The following KCNH5 variants were observed in gnomAD, a reference collection of about 807,000 sequenced individuals.
The protein encoded by KCNH5 is potassium voltage-gated channel subfamily H member 5.
KCNH5 carries 46 observed loss-of-function variants against 96.1 expected under a neutral mutation model. The observed-to-expected ratio is 0.48, with a 90% CI of 0.38 to 0.61. The LOEUF is 0.61. KCNH5 is among the 20% of genes least tolerant of loss of function. The probability of loss-of-function intolerance (pLI) is 0.00; values close to 1 mark genes in which losing one functional copy is unlikely to be tolerated. For synonymous variants in KCNH5, 439 were observed against 449.8 expected, an observed-to-expected ratio of 0.98 and a Z score of 0.30; for missense variants, 907 against 1,225.8, an observed-to-expected ratio of 0.74 and a Z score of 3.88.
At chr14:62,710,258 G>T (rs1014372309) in intron 10 of KCNH5, among the ~76,000 whole-genome samples, 3 of 152,170 alleles carry the variant, frequency 2.0e-5, no homozygotes, top group African/African-American at 7.2e-5. Flanking sequence ...GTACTAATTT[G>T]TATTTTGAAA....
At chr14:63,001,500 G>A in intron 3 of KCNH5, 41 bp from the exon 4 acceptor site, 1 of 1,571,524 alleles carries the variant, frequency 6.4e-7, no homozygotes, top group Non-Finnish European at 8.6e-7. Context: ...TTAGAGTGTG[G>A]CACGGCCACA....
chr14:62,949,335 C>T (rs1040210156), intron 7 of KCNH5, among the ~76,000 whole-genome samples: 1 of 152,172 alleles, frequency 6.6e-6, no homozygotes, highest in Non-Finnish European at 1.5e-5. Flanking sequence ...AATCAAAGTA[C>T]AATCTTAAGG....
intron 7 of KCNH5, among the ~76,000 whole-genome samples, chr14:62,879,836 G>A (rs572868563): frequency 1.3e-5 from 2 of 152,104 alleles, no homozygotes; most frequent in African/African-American, 4.8e-5. Context: ...TTATAGTTGT[G>A]CATTATGATT....
intron 1 of KCNH5, among the ~76,000 whole-genome samples, chr14:63,018,676 T>C (rs975356182): frequency 2.0e-5 from 3 of 151,994 alleles, no homozygotes; most frequent in Non-Finnish European, 4.4e-5. Flanking sequence ...CGAAAAATAA[T>C]CTTAAAATCA....
intron 9 of KCNH5, among the ~76,000 whole-genome samples, chr14:62,795,273 T>C (rs2139992804): frequency 6.6e-6 from 1 of 152,148 alleles, no homozygotes; most frequent in East Asian, 1.9e-4. Context: ...CTGAAACAAT[T>C]ATGAAAACAG....
At chr14:62,989,032 T>TAC (rs903094560) in intron 4 of KCNH5, among the ~76,000 whole-genome samples, 133 of 145,570 alleles carry the variant, frequency 9.1e-4, no homozygotes, top group African/African-American at 3.0e-3. Flanking sequence ...CACACACACA[T>TAC]ACACACACAC....
chr14:62,754,195 TTATAA>T (rs775154216), intron 10 of KCNH5, among the ~76,000 whole-genome samples: 39 of 152,284 alleles, frequency 2.6e-4, no homozygotes, highest in Admixed American at 9.8e-4. Flanking sequence ...AAATAATTGG[TTATAA>T]TATATTATTC....
chr14:62,944,241 CAT>C (rs1889843707), intron 7 of KCNH5, among the ~76,000 whole-genome samples: 1 of 152,108 alleles, frequency 6.6e-6, no homozygotes, highest in Admixed American at 6.6e-5. Context: ...TTCTGAAAGA[CAT>C]ATAAATTTTG....
intron 7 of KCNH5, among the ~76,000 whole-genome samples, chr14:62,940,030 TAC>T (rs1889759104): frequency 6.6e-6 from 1 of 152,230 alleles, no homozygotes; most frequent in African/African-American, 2.4e-5. Flanking sequence ...ATCTCCATTT[TAC>T]AAATGATGGT....
intron 7 of KCNH5, among the ~76,000 whole-genome samples, chr14:62,929,269 G>A (rs1387155426): frequency 6.6e-6 from 1 of 151,852 alleles, no homozygotes; most frequent in African/African-American, 2.4e-5. Flanking sequence ...CCAGAGTCTC[G>A]CCACTTCCTG....
At chr14:63,043,581 T>C (rs925676640) in intron 1 of KCNH5, among the ~76,000 whole-genome samples, 1 of 152,218 alleles carries the variant, frequency 6.6e-6, no homozygotes, top group African/African-American at 2.4e-5. Flanking sequence ...AAAAGAATAT[T>C]AGGCCAGACC....
intron 7 of KCNH5, among the ~76,000 whole-genome samples, chr14:62,930,399 G>C (rs1029271908): frequency 1.4e-4 from 21 of 152,198 alleles, no homozygotes; most frequent in African/African-American, 4.8e-4. Context: ...TTTCATTGCT[G>C]CTCAGCCAGC....
intron 8 of KCNH5, among the ~76,000 whole-genome samples, chr14:62,833,975 A>G (rs1887414396): frequency 6.6e-6 from 1 of 151,972 alleles, no homozygotes; most frequent in Admixed American, 6.6e-5. Context: ...TGTCTCTACT[A>G]CTCTAACAAA....
intron 8 of KCNH5, among the ~76,000 whole-genome samples, chr14:62,824,539 A>T (rs904703645): frequency 2.0e-5 from 3 of 152,090 alleles, no homozygotes; most frequent in African/African-American, 7.2e-5. Context: ...ATATTGAAAC[A>T]TTTTTCACCT....
chr14:62,890,593 G>A (rs1317557384), intron 7 of KCNH5, among the ~76,000 whole-genome samples: 1 of 151,568 alleles, frequency 6.6e-6, no homozygotes, highest in Non-Finnish European at 1.5e-5. Flanking sequence ...CAGCTACTTG[G>A]GAGGCTGAGT....
At chr14:62,874,656 A>C in intron 7 of KCNH5, among the ~76,000 whole-genome samples, 1 of 150,896 alleles carries the variant, frequency 6.6e-6, no homozygotes, top group South Asian at 2.1e-4. Context: ...CATGCTAAAA[A>C]CTCTCAATAA....
intron 1 of KCNH5, among the ~76,000 whole-genome samples, chr14:63,027,461 A>C (rs1891544767): frequency 6.7e-6 from 1 of 150,230 alleles, no homozygotes; most frequent in African/African-American, 2.5e-5. Flanking sequence ...TATCTTTTTA[A>C]AAACTTCAAG....
At chr14:62,860,310 AC>A (rs1888008213) in intron 7 of KCNH5, among the ~76,000 whole-genome samples, 1 of 152,254 alleles carries the variant, frequency 6.6e-6, no homozygotes, top group South Asian at 2.1e-4. Flanking sequence ...TACCATTGAC[AC>A]CTCAAGCACC....
At chr14:62,810,627 C>T (rs1309011038) in intron 8 of KCNH5, among the ~76,000 whole-genome samples, 1 of 152,124 alleles carries the variant, frequency 6.6e-6, no homozygotes, top group African/African-American at 2.4e-5. Flanking sequence ...CACTACTACA[C>T]TCCCATCAGT....
Sources: gnomAD v4.1 joint callset for allele counts (sites outside exome capture counted in the v4.1 genomes callset) on GRCh38, gnomAD v4.1.1 for gene constraint, MANE v1.5 for transcripts, NCBI Gene and HGNC (gene_info 2026-07-23, HGNC 2026-07-21) for gene names.